The following NAV3 variants were observed in gnomAD, a reference collection of about 807,000 sequenced individuals.
NAV3 encodes the protein neuron navigator 3, also known as pore membrane and/or filament interacting like protein 1.
NAV3 carries 87 observed loss-of-function variants against 244.7 expected under a neutral mutation model. The observed-to-expected ratio is 0.36, with a 90% CI of 0.30 to 0.42. NAV3 has a LOEUF of 0.42. Among genes scored for constraint, NAV3 ranks in the 20% least tolerant of loss-of-function variants. The pLI, the probability that NAV3 is intolerant of heterozygous loss-of-function variation, is 1.00. For synonymous variants in NAV3, 1,126 were observed against 1,042.2 expected (o/e 1.08, Z -1.55); for missense variants, 2,663 against 2,893.3 (o/e 0.92, Z 1.83).
intron 2 of NAV3, among the ~76,000 whole-genome samples, chr12:77,648,181 T>C (rs914016057): frequency 4.6e-5 from 7 of 152,088 alleles, no homozygotes; most frequent in African/African-American, 1.2e-4. Context: ...AAAAAATTTC[T>C]TTAGGGGAGT....
intron 2 of NAV3, among the ~76,000 whole-genome samples, chr12:77,811,080 A>T (rs1011534322): frequency 1.3e-5 from 2 of 152,230 alleles, no homozygotes; most frequent in Non-Finnish European, 2.9e-5. Context: ...ACACAGAAGG[A>T]TTGTTAAAAC....
rs578247815 is a variant in NAV3, at chr12:78,024,773, C to T, written c.2023+2911C>T. ...TGGGCAGATCACGAGGTCAGGAGATCGAGACCATCCTGGCTAACGGTGAGA... is the reference window on the plus strand; with the variant it reads ...TGGGCAGATCACGAGGTCAGGAGATTGAGACCATCCTGGCTAACGGTGAGA... On this transcript the variant is annotated intron_variant, in intron 9 of 39. Transcript: ENST00000397909. Among the ~76,000 whole-genome samples the T allele has an allele frequency of 1.8e-4, 28 of 152,152 alleles. No individual in the cohort carries two copies. In the South Asian group the frequency reaches 5.6e-3, roughly 30 times the overall value.
intron 6 of NAV3, among the ~76,000 whole-genome samples, chr12:77,996,702 G>A (rs1944850091): frequency 6.6e-6 from 1 of 151,998 alleles, no homozygotes; most frequent in Admixed American, 6.6e-5. Context: ...ATTAAATGTT[G>A]AGCATGTAAC....
At chr12:78,187,314 A>T (rs1432454509) in intron 31 of NAV3, among the ~76,000 whole-genome samples, 2 of 151,902 alleles carry the variant, frequency 1.3e-5, no homozygotes, top group Admixed American at 1.3e-4. Flanking sequence ...GGTAGGTATT[A>T]TGTGTTATAG....
chr12:77,975,891 A>G (rs1868335933), intron 5 of NAV3, among the ~76,000 whole-genome samples: 1 of 152,200 alleles, frequency 6.6e-6, no homozygotes, highest in Admixed American at 6.5e-5. Flanking sequence ...GTAGTAGGGA[A>G]AAGGTGGTAG....
chr12:77,960,719 A>G (rs1008458019), intron 3 of NAV3, among the ~76,000 whole-genome samples: 4 of 147,648 alleles, frequency 2.7e-5, no homozygotes, highest in Admixed American at 6.8e-5. Context: ...TATATATTAT[A>G]TATCATACAC....
At chr12:77,978,700 ATATT>A (rs1401933907) in intron 5 of NAV3, among the ~76,000 whole-genome samples, 7 of 152,134 alleles carry the variant, frequency 4.6e-5, no homozygotes, top group African/African-American at 1.7e-4. Context: ...AATAAAGTCA[ATATT>A]TATAATTTTG....
chr12:77,606,047 C>T (rs1263244088), intron 2 of NAV3, among the ~76,000 whole-genome samples: 1 of 151,996 alleles, frequency 6.6e-6, no homozygotes, highest in Non-Finnish European at 1.5e-5. Context: ...TTTTCCCTCC[C>T]AGAATTTGTT....
chr12:77,994,907 G>A (rs760817440), intron 6 of NAV3, 36 bp downstream of exon 6: 5 of 1,381,486 alleles, frequency 3.6e-6, no homozygotes, highest in Non-Finnish European at 5.1e-6. Flanking sequence ...GCTTATTAGT[G>A]ATATGCAAAT....
intron 3 of NAV3, 37 bp from the exon 4 acceptor site, chr12:77,966,192 C>T: frequency 1.9e-6 from 3 of 1,562,650 alleles, no homozygotes; most frequent in Non-Finnish European, 2.6e-6. Flanking sequence ...AAAATATAAT[C>T]CTCTAAGTTG....
intron 5 of NAV3, among the ~76,000 whole-genome samples, chr12:77,986,084 G>T (rs997721638): frequency 2.0e-5 from 3 of 152,170 alleles, no homozygotes; most frequent in African/African-American, 4.8e-5. Flanking sequence ...TTTTAGGGCT[G>T]GGCGCGGTGG....
chr12:78,001,492 A>G (rs1482635638), intron 7 of NAV3, among the ~76,000 whole-genome samples: 2 of 152,238 alleles, frequency 1.3e-5, no homozygotes, highest in Non-Finnish European at 2.9e-5. Flanking sequence ...TCACTTCTAT[A>G]TTAAAAAAAC....
At chr12:77,837,916 C>G (rs1040120563) in intron 1 of NAV3, among the ~76,000 whole-genome samples, 5 of 152,136 alleles carry the variant, frequency 3.3e-5, no homozygotes, top group Admixed American at 3.3e-4. Context: ...CAGCAGATGT[C>G]AATAAAGTAG....
At chr12:77,884,505 C>G (rs1883048971) in intron 1 of NAV3, among the ~76,000 whole-genome samples, 1 of 152,074 alleles carries the variant, frequency 6.6e-6, no homozygotes, top group African/African-American at 2.4e-5. Context: ...TGTTGTAATT[C>G]CCTGGAGCCC....
chr12:77,658,498 AG>A (rs1873243273), intron 2 of NAV3, among the ~76,000 whole-genome samples: 1 of 150,188 alleles, frequency 6.7e-6, no homozygotes, highest in Admixed American at 6.6e-5. Flanking sequence ...GCTCATGGGT[AG>A]GAAGAATCAA....
At chr12:77,872,630 G>C (rs1029416550) in intron 1 of NAV3, among the ~76,000 whole-genome samples, 1 of 152,280 alleles carries the variant, frequency 6.6e-6, no homozygotes, top group African/African-American at 2.4e-5. Flanking sequence ...AAATGTCTAA[G>C]AGAGGCCCAA....
At chr12:78,116,507 T>C (rs1955386487) in intron 12 of NAV3, among the ~76,000 whole-genome samples, 1 of 152,200 alleles carries the variant, frequency 6.6e-6, no homozygotes, top group Admixed American at 6.5e-5. Context: ...GTATCAGTGA[T>C]CTTATTCATT....
chr12:77,760,678 T>G (rs1869416610), intron 2 of NAV3, among the ~76,000 whole-genome samples: 1 of 152,168 alleles, frequency 6.6e-6, no homozygotes, highest in African/African-American at 2.4e-5. Flanking sequence ...GTATGTGACT[T>G]TTTTCAGTGT....
chr12:77,685,027 G>T (rs1396473701), intron 2 of NAV3, among the ~76,000 whole-genome samples: 2 of 152,080 alleles, frequency 1.3e-5, no homozygotes, highest in African/African-American at 4.8e-5. Context: ...ACACTGTCGT[G>T]ATTATTTTAT....
Sources: allele counts gnomAD v4.1 joint callset (sites outside exome capture counted in the v4.1 genomes callset), GRCh38; gene constraint gnomAD v4.1.1; transcripts MANE v1.5; gene names NCBI Gene and HGNC (gene_info 2026-07-23, HGNC 2026-07-21).